PLPBP: variants seen among roughly 807,000 people sequenced by gnomAD.
PLPBP encodes pyridoxal phosphate binding protein.
A neutral mutation model predicts 31.2 loss-of-function variants in PLPBP; 21 were observed. The ratio of observed to expected loss-of-function variants is 0.67; its 90% CI spans 0.48 to 0.97. The LOEUF (loss-of-function observed/expected upper bound fraction) is 0.97. PLPBP is among the 50% of genes least tolerant of loss of function. The pLI is 0.00. For missense variants in PLPBP, 308 were observed against 354.4 expected, an observed-to-expected ratio of 0.87 and a Z score of 1.05; for synonymous variants, 124 against 135.6, an observed-to-expected ratio of 0.91 and a Z score of 0.59.
At chr8:37,768,214 A>G (rs546626796) in intron 4 of PLPBP, among the ~76,000 whole-genome samples, 5 of 152,292 alleles carry the variant, frequency 3.3e-5, no homozygotes, top group South Asian at 4.1e-4. Context: ...TAACTGTGTT[A>G]TGGGATTTAT....
chr8:37,763,322 G>A (rs1399959548), intron 1 of PLPBP, among the ~76,000 whole-genome samples: 1 of 152,050 alleles, frequency 6.6e-6, no homozygotes, highest in Non-Finnish European at 1.5e-5. Context: ...CGTCTTTTGT[G>A]TATATATATA....
chr8:37,767,908 C>T (rs1282473682), intron 4 of PLPBP, among the ~76,000 whole-genome samples: 1 of 148,810 alleles, frequency 6.7e-6, no homozygotes, highest in Non-Finnish European at 1.5e-5. Context: ...CGAGTTCAAG[C>T]GATTCTCCTG....
rs1208790005 is a variant in PLPBP at position 37,765,497 on chromosome 8, C to G, written c.100-29C>G. 3 of 1,593,812 alleles carry G rather than the reference C, an allele frequency of 1.9e-6. No individual in the cohort carries two copies. In the South Asian group the frequency reaches 3.3e-5, roughly 18 times the overall value. On this transcript the variant is annotated intron_variant, in intron 1 of 7. Coordinates refer to ENST00000328195, the MANE Select transcript of PLPBP (RefSeq NM_007198.4). Reference sequence around the variant, plus strand: ...CATTGGGGTACTGTTCCCAAACATTCACTCATATGGCTCTTTCCCTCTTGG... The same window carrying G: ...CATTGGGGTACTGTTCCCAAACATTGACTCATATGGCTCTTTCCCTCTTGG...
Position 37,775,489 on chromosome 8 carries a change from G to A in PLPBP, c.597+8G>A. The stretch of plus-strand genomic sequence containing the variant: ...CCAAATCCAGACTTCCAGGTACTGG[G>A]GGGTCGGGGAGATTGCTCGTGTGCT... On this transcript the variant is annotated splice_region_variant and intron_variant, in intron 6 of 7. Transcript: ENST00000328195. The A allele has an allele frequency of 6.2e-7, 1 of 1,613,606 alleles. No individual in the cohort carries two copies. The highest frequency in any genetic ancestry group is 1.1e-5 in the South Asian group (1 of 91,050).
At chr8:37,777,371 G>C (rs571214054) in intron 7 of PLPBP, among the ~76,000 whole-genome samples, 5 of 152,228 alleles carry the variant, frequency 3.3e-5, no homozygotes, top group African/African-American at 1.2e-4. Flanking sequence ...GCTGTGCTGT[G>C]TGGCTGCGTC....
At chr8:37,771,439 C>G (rs1336296771) in intron 4 of PLPBP, among the ~76,000 whole-genome samples, 1 of 152,008 alleles carries the variant, frequency 6.6e-6, no homozygotes, top group Non-Finnish European at 1.5e-5. Context: ...AATGCCTAGC[C>G]ATCTCTGGCT....
intron 1 of PLPBP, 63 bp downstream of exon 1, chr8:37,762,821 G>A: frequency 1.3e-6 from 2 of 1,513,578 alleles, no homozygotes; most frequent in Non-Finnish European, 1.8e-6. Context: ...CACCTGCGTG[G>A]GAATGGGTCG....
intron 4 of PLPBP, among the ~76,000 whole-genome samples, chr8:37,768,460 ATTTTCTT>A (rs1803690323): frequency 9.9e-6 from 1 of 101,142 alleles, no homozygotes; most frequent in Non-Finnish European, 2.1e-5. Context: ...TACAGTTTTG[ATTTTCTT>A]TTTTTTTTTT....
chr8:37,766,625 A>T (rs1803637200), intron 4 of PLPBP: 1 of 1,077,008 alleles, frequency 9.3e-7, no homozygotes, highest in Non-Finnish European at 1.1e-6. Context: ...ATTATAAAGA[A>T]TTGTAGCCCA....
Position 37,772,843 on chromosome 8 carries a change from TG to T in PLPBP, c.409del (p.Glu137LysfsTer3). ...GTTCCTGGCAGAGAAAAGGTTCTCCTGAAAGGTTAAAGGTTATGGTCCAGAT... is the reference window on the plus strand; with the variant it reads ...GTTCCTGGCAGAGAAAAGGTTCTCCTAAAGGTTAAAGGTTATGGTCCAGAT... ...NSSWQRKGSP[E>X]RLKVMVQINT... On this transcript the variant is annotated frameshift_variant, in exon 5 of 8. Transcript: ENST00000328195. LOFTEE classifies it high-confidence loss of function. The T allele has an allele frequency of 6.2e-7, 1 of 1,614,190 alleles. No homozygotes were observed. Among genetic ancestry groups the T allele is most frequent in the Non-Finnish European group, 8.5e-7 (1 of 1,180,012 alleles).
At chr8:37,767,668 G>C (rs1803669169) in intron 4 of PLPBP, among the ~76,000 whole-genome samples, 1 of 152,094 alleles carries the variant, frequency 6.6e-6, no homozygotes, top group Admixed American at 6.6e-5. Flanking sequence ...CCTTTGTATG[G>C]ATATATTTCC....
rs1803812526 is a variant in PLPBP, at chr8:37,772,891, T to G, written c.454+2T>G. ...AGATTAACACCAGCGGAGAAGAGAG[T>G]AAGTAACCAGACCTGAATTGTAGAT... On this transcript the variant is annotated splice_donor_variant, in intron 5 of 7. Transcript: ENST00000328195. LOFTEE classifies it high-confidence loss of function. 1 of 1,613,902 alleles carries G rather than the reference T, an allele frequency of 6.2e-7. No individual in the cohort carries two copies. Among genetic ancestry groups the G allele is most frequent in the Admixed American group, 1.7e-5 (1 of 59,992 alleles).
chr8:37,777,647 C>T (rs1803950289), intron 7 of PLPBP, among the ~76,000 whole-genome samples: 1 of 152,138 alleles, frequency 6.6e-6, no homozygotes, highest in Non-Finnish European at 1.5e-5. Flanking sequence ...AACCTCTGCT[C>T]ACCGCAACCT....
At chr8:37,777,042 C>T (rs922668152) in intron 7 of PLPBP, among the ~76,000 whole-genome samples, 5 of 152,216 alleles carry the variant, frequency 3.3e-5, no homozygotes, top group African/African-American at 7.2e-5. Context: ...GATGGGATTA[C>T]AGGCATGAGC....
chr8:37,777,561 G>A (rs1030045130), intron 7 of PLPBP, among the ~76,000 whole-genome samples: 2 of 151,906 alleles, frequency 1.3e-5, no homozygotes, highest in Non-Finnish European at 2.9e-5. Flanking sequence ...TTCATAGAAG[G>A]CTCTGTTTTT....
chr8:37,772,987 A>C (rs1392868551), intron 5 of PLPBP, 98 bp downstream of exon 5: 2 of 1,487,458 alleles, frequency 1.3e-6, no homozygotes, highest in African/African-American at 1.4e-5. Context: ...ATAAGGTTAT[A>C]GAAACAAATC....
chr8:37,777,900 G>A, intron 7 of PLPBP, 73 bp from the exon 8 acceptor site: 1 of 1,505,662 alleles, frequency 6.6e-7, no homozygotes, highest in South Asian at 1.2e-5. Flanking sequence ...CCAGAATGGG[G>A]GCACAGCTTC....
chr8:37,766,618 A>G, intron 4 of PLPBP: 1 of 1,100,834 alleles, frequency 9.1e-7, no homozygotes, highest in Non-Finnish European at 1.1e-6. Flanking sequence ...CAGAAAAATT[A>G]TAAAGAATTG....
In PLPBP at chr8:37,765,461, C is replaced by T. The variant is rs879116194; in HGVS notation, c.100-65C>T. ...TGCCTGTCTATCCTACAGGATCTAT[C>T]CTATGGGATTCATTGGGGTACTGTT... On this transcript the variant is annotated intron_variant, in intron 1 of 7. Transcript: ENST00000328195. 2.7e-4 allele frequency: 394 copies of T among 1,447,142 alleles called. 5 individuals carry two copies. The South Asian group carries it at 3.1e-3, about 11-fold the overall frequency. The allele number at this position is 1,447,142 out of a possible 1,614,324, so 89.6% of individuals were successfully genotyped here. A position where few individuals can be genotyped will look rare whatever the true frequency, so the allele number is the denominator to read the frequency against.
Sources: gnomAD v4.1 joint callset for allele counts (sites outside exome capture counted in the v4.1 genomes callset) on GRCh38, gnomAD v4.1.1 for gene constraint, MANE v1.5 for transcripts, NCBI Gene and HGNC (gene_info 2026-07-23, HGNC 2026-07-21) for gene names.